PPP3CB: variants seen among roughly 807,000 people sequenced by gnomAD.
The protein encoded by PPP3CB is serine/threonine-protein phosphatase 2B catalytic subunit beta isoform.
In PPP3CB, 8 loss-of-function variants were observed where a neutral mutation model predicts 66.4. The ratio of observed to expected loss-of-function variants is 0.12; its 90% CI spans 0.07 to 0.22. The LOEUF is 0.22. PPP3CB is among the 10% of genes least tolerant of loss of function. The pLI is 1.00. For synonymous variants in PPP3CB, 208 were observed against 221.2 expected (o/e 0.94, Z 0.53); for missense variants, 319 against 642.5 (o/e 0.50, Z 5.44).
chr10:73,461,216 G>A (rs1029412422), intron 9 of PPP3CB, among the ~76,000 whole-genome samples: 3 of 152,332 alleles, frequency 2.0e-5, no homozygotes, highest in African/African-American at 7.2e-5. Flanking sequence ...GGAGGTCGAG[G>A]TGCATGGATC....
intron 1 of PPP3CB, among the ~76,000 whole-genome samples, chr10:73,486,135 G>A (rs1420797838): frequency 6.0e-5 from 9 of 150,108 alleles, no homozygotes; most frequent in Non-Finnish European, 1.0e-4. Context: ...TAGTAGAGAC[G>A]GGGTTTCACC....
intron 2 of PPP3CB, 51 bp from the exon 3 acceptor site, chr10:73,478,674 A>G (rs1322214780): frequency 6.6e-7 from 1 of 1,518,926 alleles, no homozygotes; most frequent in Non-Finnish European, 9.0e-7. Context: ...AAAACAACAA[A>G]TTTTACTTAA....
chr10:73,479,523 A>G lies in PPP3CB; in HGVS notation c.86-6T>C. 1 of 1,608,902 alleles carries G rather than the reference A, an allele frequency of 6.2e-7. No homozygotes were observed. Among genetic ancestry groups the G allele is most frequent in the Non-Finnish European group, 8.5e-7 (1 of 1,177,278 alleles). ...TGTTGGGGGGAAAGGGACAGCTGCAAATGTTTTTAATTAATAAAAGATAAG... is the reference window on the plus strand; with the variant it reads ...TGTTGGGGGGAAAGGGACAGCTGCAGATGTTTTTAATTAATAAAAGATAAG... On this transcript the variant is annotated splice_polypyrimidine_tract_variant and splice_region_variant and intron_variant, in intron 1 of 13. Coordinates refer to ENST00000360663, the MANE Select transcript of PPP3CB (RefSeq NM_021132.4).
At chr10:73,477,859 T>C (rs1458570238) in intron 3 of PPP3CB, among the ~76,000 whole-genome samples, 2 of 152,022 alleles carry the variant, frequency 1.3e-5, no homozygotes, top group African/African-American at 4.8e-5. Flanking sequence ...CAAGGCTACA[T>C]TGAGCCATGC....
At chr10:73,495,570 G>A (rs762872731) in intron 1 of PPP3CB, 1 of 410,558 alleles carries the variant, frequency 2.4e-6, no homozygotes, top group Admixed American at 5.2e-5. Flanking sequence ...CTTGGGCTAG[G>A]AAGCCACGGA....
chr10:73,462,372 C>T (rs1242941054), intron 9 of PPP3CB, among the ~76,000 whole-genome samples: 1 of 151,698 alleles, frequency 6.6e-6, no homozygotes, highest in Non-Finnish European at 1.5e-5. Context: ...GGACTCTATC[C>T]TAAGCAAAAT....
At chr10:73,474,775 CTCG>C in intron 4 of PPP3CB, 141 bp downstream of exon 4, 1 of 1,251,658 alleles carries the variant, frequency 8.0e-7, no homozygotes, top group Non-Finnish European at 1.1e-6. Flanking sequence ...CCAGAGAGTG[CTCG>C]ACAACTTTCC....
intron 8 of PPP3CB, among the ~76,000 whole-genome samples, chr10:73,470,219 G>C (rs1244821416): frequency 6.6e-6 from 1 of 152,018 alleles, no homozygotes; most frequent in Non-Finnish European, 1.5e-5. Context: ...AATCTTCATG[G>C]GGCAGTGATA....
intron 4 of PPP3CB, 93 bp downstream of exon 4, chr10:73,474,826 A>G (rs1263561824): frequency 2.0e-6 from 3 of 1,503,184 alleles, no homozygotes; most frequent in Non-Finnish European, 2.7e-6. Flanking sequence ...CTGTCCTTAC[A>G]TGTTGCACTG....
chr10:73,494,725 T>C (rs2057149654), intron 1 of PPP3CB, among the ~76,000 whole-genome samples: 1 of 152,080 alleles, frequency 6.6e-6, no homozygotes, highest in South Asian at 2.1e-4. Context: ...TTTCAAAAAG[T>C]AGGCTAACGG....
At chr10:73,456,964 T>A (rs2132845582) in intron 9 of PPP3CB, among the ~76,000 whole-genome samples, 1 of 152,256 alleles carries the variant, frequency 6.6e-6, no homozygotes, top group South Asian at 2.1e-4. Context: ...TTTCTGATGG[T>A]TACACAACTC....
At chr10:73,492,717 C>T (rs1471419773) in intron 1 of PPP3CB, among the ~76,000 whole-genome samples, 1 of 152,148 alleles carries the variant, frequency 6.6e-6, no homozygotes, top group East Asian at 1.9e-4. Flanking sequence ...CTGGAGTAGG[C>T]TCAGAACTGA....
At chr10:73,490,813 T>C (rs2057060247) in intron 1 of PPP3CB, among the ~76,000 whole-genome samples, 1 of 151,988 alleles carries the variant, frequency 6.6e-6, no homozygotes, top group Admixed American at 6.6e-5. Flanking sequence ...GGACACATGG[T>C]ACTGAAGATT....
intron 12 of PPP3CB, among the ~76,000 whole-genome samples, chr10:73,443,329 A>G (rs2056192346): frequency 7.1e-6 from 1 of 140,474 alleles, no homozygotes; most frequent in Admixed American, 6.9e-5. Flanking sequence ...AGAAAGAAAG[A>G]AAAAGAAAGA....
intron 1 of PPP3CB, among the ~76,000 whole-genome samples, chr10:73,484,909 C>G (rs2056947655): frequency 6.6e-6 from 1 of 151,352 alleles, no homozygotes; most frequent in Non-Finnish European, 1.5e-5. Context: ...AAAATTAGCC[C>G]GGGCATGGTG....
rs564237413 is a variant in PPP3CB at position 73,442,407 on chromosome 10, T to A, written c.1366+2318A>T. Among the ~76,000 whole-genome samples the A allele has an allele frequency of 4.4e-4, 67 of 152,278 alleles. No homozygotes were observed. In the South Asian group the frequency reaches 5.0e-3, roughly 11 times the overall value. On this transcript the variant is annotated intron_variant, in intron 12 of 13. Transcript: ENST00000360663. ...CTAATCGTGAAATCTGAAAGCAAGG[T>A]TTGCTGCGGATACAATATAAAAGTA...
chr10:73,443,288 G>GA (rs1218157261), intron 12 of PPP3CB, among the ~76,000 whole-genome samples: 1 of 98,244 alleles, frequency 1.0e-5, no homozygotes, highest in Non-Finnish European at 2.0e-5. Context: ...AAGAAAGACA[G>GA]AAAGAAAGAA....
chr10:73,464,770 A>C (rs1462367422), intron 9 of PPP3CB, among the ~76,000 whole-genome samples: 1 of 152,118 alleles, frequency 6.6e-6, no homozygotes, highest in Non-Finnish European at 1.5e-5. Flanking sequence ...CGTCTCTACT[A>C]AATATACAAA....
At chr10:73,471,288 ACT>A in intron 5 of PPP3CB, 79 bp from the exon 6 acceptor site, 1 of 1,420,122 alleles carries the variant, frequency 7.0e-7, no homozygotes, top group Non-Finnish European at 9.6e-7. Context: ...AACGATACCA[ACT>A]TTGAATACAG....
Sources: gnomAD v4.1 joint callset for allele counts (sites outside exome capture counted in the v4.1 genomes callset) on GRCh38, gnomAD v4.1.1 for gene constraint, MANE v1.5 for transcripts, NCBI Gene and HGNC (gene_info 2026-07-23, HGNC 2026-07-21) for gene names.